Variants in FAM227B observed in about 807,000 individuals in gnomAD.
FAM227B encodes the protein protein FAM227B.
In FAM227B, 88 loss-of-function variants were observed where a neutral mutation model predicts 73.8. That is an observed-to-expected ratio of 1.19 (90% confidence interval 1.00 to 1.42). FAM227B has a LOEUF of 1.42. FAM227B is among the 40% of genes most tolerant of loss of function. The probability of loss-of-function intolerance (pLI) is 0.00; values close to 1 mark genes in which losing one functional copy is unlikely to be tolerated. For missense variants in FAM227B, 632 were observed against 590.9 expected (o/e 1.07, Z -0.72); for synonymous variants, 210 against 190.5 (o/e 1.10, Z -0.84).
rs2055223310 is a variant in FAM227B at position 49,475,959 on chromosome 15, C to T, written c.1012+32252G>A. Among the ~76,000 whole-genome samples the T allele has an allele frequency of 2.0e-5, 3 of 152,236 alleles. No homozygotes were observed. The South Asian group carries it at 6.2e-4, about 32-fold the overall frequency. On this transcript the variant is annotated intron_variant, in intron 11 of 15. Coordinates refer to ENST00000299338, the MANE Select transcript of FAM227B (RefSeq NM_152647.3). ...AATTTGGCCCTAACTCTTTTTCCAC[C>T]CTCTCACTATTTTGTTACACTTCCT...
At chr15:49,441,926 T>C (rs2051691190) in intron 11 of FAM227B, among the ~76,000 whole-genome samples, 1 of 151,644 alleles carries the variant, frequency 6.6e-6, no homozygotes, top group South Asian at 2.1e-4. Context: ...TTTTGTGTAG[T>C]GCTCAAGTAT....
At chr15:49,330,739 A>T (rs1312929493) in intron 15 of FAM227B, 1 of 147,654 alleles carries the variant, frequency 6.8e-6, no homozygotes, top group South Asian at 2.2e-4. Context: ...TAGGGAAGAT[A>T]GACCAAAAAA....
chr15:49,404,617 G>T (rs1480377660), intron 11 of FAM227B, among the ~76,000 whole-genome samples: 2 of 151,876 alleles, frequency 1.3e-5, no homozygotes, highest in Middle Eastern at 3.4e-3. Flanking sequence ...TTTCCTGGTA[G>T]TTTTTTCTCC....
At chr15:49,586,373 T>C (rs2076163499) in intron 5 of FAM227B, among the ~76,000 whole-genome samples, 5 of 152,144 alleles carry the variant, frequency 3.3e-5, no homozygotes, top group Admixed American at 2.6e-4. Flanking sequence ...CCTTGCACCT[T>C]ATACAAAAGT....
Position 49,367,710 on chromosome 15 carries a change from T to G in FAM227B, c.1111-102A>C, listed in dbSNP as rs534054758. The G allele has an allele frequency of 3.6e-6, 4 of 1,106,598 alleles. No homozygotes were observed. In the South Asian group the frequency reaches 6.7e-5, roughly 19 times the overall value. 68.5% of individuals were successfully genotyped at this position (1,106,598 alleles called of 1,614,324 possible). A position where few individuals can be genotyped will look rare whatever the true frequency, so the allele number is the denominator to read the frequency against. On this transcript the variant is annotated intron_variant, in intron 12 of 15. Coordinates refer to ENST00000299338, the MANE Select transcript of FAM227B (RefSeq NM_152647.3). The stretch of plus-strand genomic sequence containing the variant: ...TATTTAGCATAAAGTTACCATTTGA[T>G]ATATTAAAATAAAGGAAATTCTACA...
At position 49,588,015 on chromosome 15, in the gene FAM227B, C is replaced by T; in HGVS notation, c.405+1G>A. 3 of 1,449,886 alleles carry T rather than the reference C, an allele frequency of 2.1e-6. No individual in the cohort carries two copies. The highest frequency in any genetic ancestry group is 1.8e-6 in the Non-Finnish European group (2 of 1,087,764). The allele number at this position is 1,449,886 out of a possible 1,614,324, so 89.8% of individuals were successfully genotyped here. ...GGATGATAAAAACATAGATACCATA[C>T]CATTATCTTTTTTTTCTTATGGTAC... On this transcript the variant is annotated splice_donor_variant, in intron 5 of 15. Coordinates refer to ENST00000299338, the MANE Select transcript of FAM227B (RefSeq NM_152647.3). LOFTEE classifies it high-confidence loss of function.
intron 13 of FAM227B, among the ~76,000 whole-genome samples, chr15:49,355,616 G>A (rs1227774093): frequency 1.3e-5 from 2 of 152,160 alleles, no homozygotes; most frequent in Non-Finnish European, 2.9e-5. Flanking sequence ...ACGTCTGACT[G>A]GTGTACCTGA....
At chr15:49,424,026 A>G (rs963165711) in intron 11 of FAM227B, 3 of 335,254 alleles carry the variant, frequency 8.9e-6, no homozygotes, top group African/African-American at 4.2e-5. Flanking sequence ...CTCTCATTGC[A>G]AACAGAAGTC....
chr15:49,389,769 C>T (rs1347313432), intron 11 of FAM227B, among the ~76,000 whole-genome samples: 1 of 151,936 alleles, frequency 6.6e-6, no homozygotes, highest in Non-Finnish European at 1.5e-5. Context: ...ACTTTTATCC[C>T]TTTCTTTAGG....
At chr15:49,397,667 A>G (rs1286919955) in intron 11 of FAM227B, among the ~76,000 whole-genome samples, 1 of 152,238 alleles carries the variant, frequency 6.6e-6, no homozygotes, top group African/African-American at 2.4e-5. Flanking sequence ...AAACCCTACA[A>G]GCCAGAAGAG....
chr15:49,331,183 A>T (rs1186038154), intron 15 of FAM227B: 1 of 152,186 alleles, frequency 6.6e-6, no homozygotes, highest in Non-Finnish European at 1.5e-5. Flanking sequence ...TCTATCCCTG[A>T]CCTCCAATTG....
At chr15:49,541,611 A>G (rs1483225780) in intron 10 of FAM227B, 69 bp downstream of exon 10, 1 of 1,290,266 alleles carries the variant, frequency 7.8e-7, no homozygotes, top group African/African-American at 1.5e-5. Flanking sequence ...GATGGAATAA[A>G]TAAAATACTG....
chr15:49,598,224 G>A (rs1370705969), intron 3 of FAM227B, among the ~76,000 whole-genome samples: 3 of 151,782 alleles, frequency 2.0e-5, no homozygotes, highest in Non-Finnish European at 2.9e-5. Context: ...ATTTTTTCAT[G>A]TTATTGTAAA....
chr15:49,601,496 AATTTT>A (rs1191419356), intron 3 of FAM227B, among the ~76,000 whole-genome samples: 1 of 152,136 alleles, frequency 6.6e-6, no homozygotes, highest in Non-Finnish European at 1.5e-5. Context: ...GTAATAATTT[AATTTT>A]AATTTTTGTG....
chr15:49,606,284 T>TA, intron 3 of FAM227B: 1 of 152,116 alleles, frequency 6.6e-6, no homozygotes, highest in Non-Finnish European at 1.5e-5. Flanking sequence ...TTTTTTTTTT[T>TA]ACTTTTATAT....
chr15:49,522,915 C>G (rs1761579140), intron 10 of FAM227B, among the ~76,000 whole-genome samples: 1 of 152,074 alleles, frequency 6.6e-6, no homozygotes, highest in South Asian at 2.1e-4. Context: ...TGAACACATC[C>G]AAATACAAGA....
intron 13 of FAM227B, among the ~76,000 whole-genome samples, chr15:49,363,106 G>A (rs2044536854): frequency 6.6e-6 from 1 of 152,108 alleles, no homozygotes; most frequent in South Asian, 2.1e-4. Context: ...GGCTGTTCAA[G>A]CTCTTTTTTG....
chr15:49,383,391 AT>A (rs1431136786), intron 11 of FAM227B, among the ~76,000 whole-genome samples: 2 of 152,014 alleles, frequency 1.3e-5, no homozygotes, highest in Non-Finnish European at 2.9e-5. Flanking sequence ...GCAGTAAACT[AT>A]TTTTAAATTA....
intron 11 of FAM227B, among the ~76,000 whole-genome samples, chr15:49,465,161 G>C (rs778047603): frequency 6.6e-6 from 1 of 151,874 alleles, no homozygotes; most frequent in Non-Finnish European, 1.5e-5. Context: ...ATGGAGTCTC[G>C]CACTGTTGCT....
Sources: gnomAD v4.1 joint callset for allele counts (sites outside exome capture counted in the v4.1 genomes callset) on GRCh38, gnomAD v4.1.1 for gene constraint, MANE v1.5 for transcripts, NCBI Gene and HGNC (gene_info 2026-07-23, HGNC 2026-07-21) for gene names.